FGF18: variants seen among roughly 807,000 people sequenced by gnomAD.
The protein encoded by FGF18 is fibroblast growth factor 18.
FGF18 carries 5 observed loss-of-function variants against 23.0 expected under a neutral mutation model. The observed-to-expected ratio is 0.22, with a 90% confidence interval of 0.11 to 0.46. The LOEUF (loss-of-function observed/expected upper bound fraction) is 0.46, where lower values mean the gene tolerates loss of function less well. FGF18 is among the 20% of genes least tolerant of loss of function. The probability of loss-of-function intolerance (pLI) is 0.99; values close to 1 mark genes in which losing one functional copy is unlikely to be tolerated. For synonymous variants in FGF18, 117 were observed against 118.9 expected, an observed-to-expected ratio of 0.98 and a Z score of 0.10; for missense variants, 180 against 291.6, an observed-to-expected ratio of 0.62 and a Z score of 2.79.
chr5:171,420,758 C>T (rs1209270429), intron 2 of FGF18, among the ~76,000 whole-genome samples: 1 of 152,264 alleles, frequency 6.6e-6, no homozygotes. Flanking sequence ...AGACCCCTGC[C>T]CGCAGCCAGC....
At chr5:171,425,552 A>G (rs1309067573) in intron 2 of FGF18, among the ~76,000 whole-genome samples, 19 of 67,068 alleles carry the variant, frequency 2.8e-4, no homozygotes, top group African/African-American at 9.5e-4. Context: ...TTTTTTTGAG[A>G]TGGAGTCTCG....
At chr5:171,423,109 G>A (rs538740347) in intron 2 of FGF18, among the ~76,000 whole-genome samples, 3 of 152,214 alleles carry the variant, frequency 2.0e-5, no homozygotes, top group South Asian at 2.1e-4. Context: ...CATCGCTACC[G>A]GGCTCAGAAT....
At chr5:171,428,940 C>A (rs1299129483) in intron 2 of FGF18, among the ~76,000 whole-genome samples, 1 of 152,210 alleles carries the variant, frequency 6.6e-6, no homozygotes, top group Non-Finnish European at 1.5e-5. Flanking sequence ...CGGGCCCAAC[C>A]CCCCATCCTG....
intron 2 of FGF18, among the ~76,000 whole-genome samples, chr5:171,431,299 A>T (rs370185894): frequency 6.6e-6 from 1 of 152,156 alleles, no homozygotes; most frequent in Non-Finnish European, 1.5e-5. Context: ...ACAGGGCTCA[A>T]TTGTAAGGAT....
intron 2 of FGF18, among the ~76,000 whole-genome samples, chr5:171,430,390 T>C (rs1247960397): frequency 2.0e-5 from 3 of 149,148 alleles, no homozygotes; most frequent in Non-Finnish European, 3.0e-5. Context: ...TACCAACTCA[T>C]AGGGTTTGTT....
chr5:171,455,678 C>T (rs1390581275), intron 4 of FGF18, among the ~76,000 whole-genome samples: 1 of 152,234 alleles, frequency 6.6e-6, no homozygotes, highest in African/African-American at 2.4e-5. Context: ...GCCTCTGCTT[C>T]AGCCTTACAA....
intron 2 of FGF18, among the ~76,000 whole-genome samples, chr5:171,427,067 G>C (rs1364463023): frequency 2.0e-5 from 3 of 152,068 alleles, no homozygotes; most frequent in Non-Finnish European, 2.9e-5. Flanking sequence ...AAAATTAGCC[G>C]GGCATAGTGG....
In FGF18 at chr5:171,430,615, C is replaced by T. The variant is rs544084986; in HGVS notation, c.70-5478C>T. On this transcript the variant is annotated intron_variant, in intron 2 of 4. Transcript: ENST00000274625. ...CATCCTGGCTAACAAGGTGAAACCCCGTCTCTACTAAAAATACAAAAAATT... is the reference window on the plus strand; with the variant it reads ...CATCCTGGCTAACAAGGTGAAACCCTGTCTCTACTAAAAATACAAAAAATT... Among the ~76,000 whole-genome samples, 12 of 143,960 alleles carry T rather than the reference C, an allele frequency of 8.3e-5. No homozygotes were observed. The East Asian group carries it at 2.0e-3, about 24-fold the overall frequency. The allele number at this position is 143,960 out of a possible 152,430, so 94.4% of individuals were successfully genotyped here.
intron 2 of FGF18, among the ~76,000 whole-genome samples, chr5:171,430,794 C>CAA (rs566577499): frequency 3.4e-3 from 180 of 53,268 alleles, no homozygotes; most frequent in African/African-American, 4.7e-3. Context: ...GACTCCGTCT[C>CAA]AAAAAAAAAA....
At chr5:171,449,358 GCC>G in intron 4 of FGF18, 105 bp downstream of exon 4, 8 of 339,222 alleles carry the variant, frequency 2.4e-5, no homozygotes, top group East Asian at 1.4e-4. Context: ...TGGAAAACAG[GCC>G]GTGTGTGTGT....
chr5:171,449,064 C>T, intron 3 of FGF18, 83 bp from the exon 4 acceptor site: 2 of 1,025,702 alleles, frequency 1.9e-6, no homozygotes. Flanking sequence ...AAGATAGGAC[C>T]AGGGACCATG....
intron 3 of FGF18, among the ~76,000 whole-genome samples, chr5:171,442,444 G>T (rs1203677420): frequency 6.6e-6 from 1 of 152,184 alleles, no homozygotes; most frequent in Non-Finnish European, 1.5e-5. Context: ...TTCACTGGGG[G>T]AAGACGCCTG....
chr5:171,455,352 T>C (rs1320345428), intron 4 of FGF18, among the ~76,000 whole-genome samples: 2 of 152,240 alleles, frequency 1.3e-5, no homozygotes, highest in South Asian at 2.1e-4. Context: ...CCACATGACA[T>C]GTAATTTGTA....
At position 171,420,165 on chromosome 5, in the gene FGF18, TG is replaced by T; in HGVS notation, c.-32del. ...CCGCGCGGAGCGGACATGTGCAGGC[TG>T]GGCTAGGAGCCGCCGCCTCCCTCCC... On this transcript the variant is annotated 5_prime_UTR_variant, in exon 1 of 5. An upstream open reading frame in the 5' UTR gains an earlier in-frame stop. Coordinates refer to ENST00000274625, the MANE Select transcript of FGF18 (RefSeq NM_003862.3). 6.5e-7 allele frequency: 1 copy of T among 1,530,000 alleles called. No individual in the cohort carries two copies. The allele number at this position is 1,530,000 out of a possible 1,614,324, so 94.8% of individuals were successfully genotyped here.
intron 2 of FGF18, among the ~76,000 whole-genome samples, chr5:171,435,133 G>C (rs996090246): frequency 1.3e-5 from 2 of 152,246 alleles, no homozygotes; most frequent in Admixed American, 6.5e-5. Context: ...GGCCAGCGTG[G>C]CTGGTGGGGA....
rs530152492 is a variant in FGF18, at chr5:171,444,125, T to C, written c.251-5022T>C. Among the ~76,000 whole-genome samples, 19 of 152,256 alleles carry C rather than the reference T, an allele frequency of 1.2e-4. No homozygotes were observed. In the South Asian group the frequency reaches 3.9e-3, roughly 32 times the overall value. ...CTGGGGACTCCCTCCTTCCTCAAAGTCATTTGGAAGTGGAGCTGAGGGAAG... is the reference window on the plus strand; with the variant it reads ...CTGGGGACTCCCTCCTTCCTCAAAGCCATTTGGAAGTGGAGCTGAGGGAAG... On this transcript the variant is annotated intron_variant, in intron 3 of 4. Coordinates refer to ENST00000274625, the MANE Select transcript of FGF18 (RefSeq NM_003862.3).
intron 2 of FGF18, among the ~76,000 whole-genome samples, chr5:171,427,972 A>G (rs1249765119): frequency 6.6e-6 from 1 of 152,110 alleles, no homozygotes; most frequent in East Asian, 1.9e-4. Context: ...TCATTCCTGT[A>G]GGCATCAGGA....
rs1772247778 is a variant in FGF18 at position 171,436,459 on chromosome 5, A to G, written c.250+186A>G. 6.6e-6 allele frequency among the ~76,000 whole-genome samples: 1 copy of G among 152,186 alleles called. No individual in the cohort carries two copies. The highest frequency in any genetic ancestry group is 6.5e-5 in the Admixed American group (1 of 15,288). On this transcript the variant is annotated intron_variant, in intron 3 of 4. Coordinates refer to ENST00000274625, the MANE Select transcript of FGF18 (RefSeq NM_003862.3). This position sits in a 1 kb window ranked among gnomAD's most constrained non-coding sequence, Gnocchi z 4.4. ...GATGCAATAGTGAATCCTTGAGAGC[A>G]TTGTCAGGAGTACTAACTGAAGATG...
chr5:171,450,239 A>G (rs1772478607), intron 4 of FGF18, among the ~76,000 whole-genome samples: 1 of 152,048 alleles, frequency 6.6e-6, no homozygotes, highest in African/African-American at 2.4e-5. Flanking sequence ...TGCTGAAGCC[A>G]TGTTTTTGAT....
Sources: allele counts gnomAD v4.1 joint callset (sites outside exome capture counted in the v4.1 genomes callset), GRCh38; gene constraint gnomAD v4.1.1; non-coding constraint Gnocchi (gnomAD v3.1); transcripts MANE v1.5; gene names NCBI Gene and HGNC (gene_info 2026-07-23, HGNC 2026-07-21).